The following CDH18 variants were observed in gnomAD, a reference collection of about 807,000 sequenced individuals.
The protein encoded by CDH18 is cadherin-18.
CDH18 carries 31 observed loss-of-function variants against 67.9 expected under a neutral mutation model. The ratio of observed to expected loss-of-function variants is 0.46; its 90% confidence interval spans 0.34 to 0.62. CDH18 has a LOEUF of 0.62. CDH18 is among the 20% of genes least tolerant of loss of function. The pLI is 0.01. For missense variants in CDH18, 890 were observed against 975.5 expected (o/e 0.91, Z 1.17); for synonymous variants, 362 against 347.2 (o/e 1.04, Z -0.48).
Position 19,473,316 on chromosome 5 carries a change from G to T in CDH18, c.2283C>A (p.Asp761Glu), listed in dbSNP as rs762154267. 1 of 1,613,706 alleles carries T rather than the reference G, an allele frequency of 6.2e-7. No individual in the cohort carries two copies. The highest frequency in any genetic ancestry group is 2.2e-5 in the East Asian group (1 of 44,862). ...SSLDSATTQS[D>E]QDYHYLGDWG... Reference sequence around the variant, plus strand: ...AGTCTCCAAGGTAGTGATAATCCTGGTCTGATTGTGTCGTTGCTGAATCCA... The same window carrying T: ...AGTCTCCAAGGTAGTGATAATCCTGTTCTGATTGTGTCGTTGCTGAATCCA... Residue 761 changes from aspartate (D) to glutamate (E), a missense_variant, in exon 13 of 13, where the codon GAC (aspartate) becomes GAA (glutamate). Physicochemically the swap from Asp to Glu is conservative, Grantham distance 45 (BLOSUM62 2). Transcript: ENST00000382275.
intron 2 of CDH18, among the ~76,000 whole-genome samples, chr5:19,898,203 A>G (rs1296560277): frequency 6.6e-6 from 1 of 151,988 alleles, no homozygotes; most frequent in African/African-American, 2.4e-5. Flanking sequence ...ATAGTATTTT[A>G]ATATCCAAGA....
intron 2 of CDH18, among the ~76,000 whole-genome samples, chr5:19,925,530 C>T (rs545022321): frequency 1.7e-3 from 264 of 152,162 alleles, no homozygotes; most frequent in Non-Finnish European, 3.1e-3. Context: ...TTGCTGTCAC[C>T]CTGGCTGGAG....
intron 1 of CDH18, among the ~76,000 whole-genome samples, chr5:20,302,729 C>T (rs1436083212): frequency 6.6e-6 from 1 of 152,186 alleles, no homozygotes; most frequent in Non-Finnish European, 1.5e-5. Flanking sequence ...AATGAGAATG[C>T]GCTACGCACT....
At chr5:20,115,961 T>A (rs1459764951) in intron 2 of CDH18, among the ~76,000 whole-genome samples, 1 of 152,132 alleles carries the variant, frequency 6.6e-6, no homozygotes, top group Non-Finnish European at 1.5e-5. Flanking sequence ...TAGTACTGAA[T>A]CCAGTAAGTA....
chr5:20,192,314 T>C (rs1738609411), intron 2 of CDH18, among the ~76,000 whole-genome samples: 1 of 152,044 alleles, frequency 6.6e-6, no homozygotes, highest in Admixed American at 6.6e-5. Flanking sequence ...CTGTTCACAC[T>C]GATGACAGCT....
chr5:19,654,900 C>T (rs931698943), intron 5 of CDH18, among the ~76,000 whole-genome samples: 14 of 152,242 alleles, frequency 9.2e-5, no homozygotes, highest in African/African-American at 3.4e-4. Context: ...GAATTACTCT[C>T]GACATTCAGA....
chr5:19,960,012 A>G (rs1796633697), intron 2 of CDH18, among the ~76,000 whole-genome samples: 1 of 152,094 alleles, frequency 6.6e-6, no homozygotes, highest in Non-Finnish European at 1.5e-5. Context: ...AGCTTGTGGG[A>G]CTGAAAGTTG....
At chr5:20,149,158 C>A (rs1750903778) in intron 2 of CDH18, among the ~76,000 whole-genome samples, 1 of 152,164 alleles carries the variant, frequency 6.6e-6, no homozygotes, top group Non-Finnish European at 1.5e-5. Flanking sequence ...AACATCATTT[C>A]TCTGACTTCC....
chr5:20,409,165 C>T lies in CDH18; in HGVS notation c.-579-153660G>A, dbSNP rs4432887. On this transcript the variant is annotated intron_variant, in intron 1 of 14. Coordinates refer to the CDH18 transcript ENST00000507958. ...ACATGATGTAAGCAACACTATAGAG[C>T]GAATGAACCTAACAGGCATATACAG... is the stretch of plus-strand genomic sequence containing the variant. Among the ~76,000 whole-genome samples the T allele has an allele frequency of 1.8e-3, 266 of 151,756 alleles. 2 individuals are homozygous for T. Among genetic ancestry groups the T allele is most frequent in the Non-Finnish European group, 2.0e-3 (133 of 67,732 alleles).
intron 1 of CDH18, among the ~76,000 whole-genome samples, chr5:20,544,107 G>T (rs1757204336): frequency 6.6e-6 from 1 of 152,108 alleles, no homozygotes; most frequent in Non-Finnish European, 1.5e-5. Flanking sequence ...AGGTGATTAG[G>T]TTTATTGCTG....
chr5:19,761,002 C>T (rs2133082), intron 3 of CDH18, among the ~76,000 whole-genome samples: 144,857 of 152,152 alleles, frequency 0.95, 69,279 homozygotes, highest in South Asian at 1. Context: ...GTTTACAAAC[C>T]CAGCATCCCC....
intron 5 of CDH18, among the ~76,000 whole-genome samples, chr5:19,616,232 CT>C (rs986078884): frequency 1.8e-4 from 28 of 151,886 alleles, no homozygotes; most frequent in African/African-American, 5.6e-4. Context: ...TAATAGCTGT[CT>C]TTTTTTTAAC....
chr5:20,144,946 A>T (rs1390190895), intron 2 of CDH18, among the ~76,000 whole-genome samples: 3 of 152,154 alleles, frequency 2.0e-5, no homozygotes, highest in Non-Finnish European at 4.4e-5. Context: ...ATGCCCCAAA[A>T]TTGGCTAAAA....
chr5:20,137,164 T>C (rs1749801819), intron 2 of CDH18, among the ~76,000 whole-genome samples: 1 of 152,170 alleles, frequency 6.6e-6, no homozygotes, highest in Non-Finnish European at 1.5e-5. Flanking sequence ...CCGGGTAATA[T>C]CCTGAAGAGT....
At chr5:20,166,507 C>T (rs1480538815) in intron 2 of CDH18, among the ~76,000 whole-genome samples, 4 of 151,376 alleles carry the variant, frequency 2.6e-5, no homozygotes, top group Admixed American at 1.3e-4. Flanking sequence ...AAGAAAAGCC[C>T]CAACCTGCAA....
intron 2 of CDH18, among the ~76,000 whole-genome samples, chr5:20,116,855 C>T (rs1268846372): frequency 2.0e-5 from 3 of 152,086 alleles, no homozygotes; most frequent in African/African-American, 7.2e-5. Flanking sequence ...AGGTAAATGG[C>T]CAATTTTTCC....
chr5:19,646,409 G>C (rs1302628611), intron 5 of CDH18, among the ~76,000 whole-genome samples: 1 of 151,580 alleles, frequency 6.6e-6, no homozygotes, highest in Non-Finnish European at 1.5e-5. Flanking sequence ...GTGTGATCTC[G>C]GCTCACTGCA....
chr5:20,145,729 A>AT (rs1383872062), intron 2 of CDH18, among the ~76,000 whole-genome samples: 2 of 152,074 alleles, frequency 1.3e-5, no homozygotes, highest in African/African-American at 4.8e-5. Flanking sequence ...AATGATCACA[A>AT]TTTTTTATGT....
chr5:20,345,045 C>G (rs1740591616), intron 1 of CDH18, among the ~76,000 whole-genome samples: 1 of 152,104 alleles, frequency 6.6e-6, no homozygotes, highest in Non-Finnish European at 1.5e-5. Context: ...CCATTGTATC[C>G]CTTATCTGCC....
Sources: gnomAD v4.1 joint callset for allele counts (sites outside exome capture counted in the v4.1 genomes callset) on GRCh38, gnomAD v4.1.1 for gene constraint, MANE v1.5 for transcripts, NCBI Gene and HGNC (gene_info 2026-07-23, HGNC 2026-07-21) for gene names.